PRKG1: variants seen among roughly 807,000 people sequenced by gnomAD.
The protein encoded by PRKG1 is protein kinase cGMP-dependent 1.
A neutral mutation model predicts 88.1 loss-of-function variants in PRKG1; 35 were observed. That is an observed-to-expected ratio of 0.40 (90% CI 0.30 to 0.53). PRKG1 has a LOEUF of 0.53. Among genes scored for constraint, PRKG1 ranks in the 20% least tolerant of loss-of-function variants. The pLI, the probability that PRKG1 is intolerant of heterozygous loss-of-function variation, is 0.59. For missense variants in PRKG1, 540 were observed against 839.8 expected (o/e 0.64, Z 4.41); for synonymous variants, 303 against 292.5 (o/e 1.04, Z -0.37).
chr10:52,090,444 ATAAG>A (rs1427756224), intron 7 of PRKG1, among the ~76,000 whole-genome samples: 4 of 147,468 alleles, frequency 2.7e-5, no homozygotes, highest in African/African-American at 5.2e-5. Flanking sequence ...TACTGAATAA[ATAAG>A]TGAGAAGAGG....
intron 3 of PRKG1, among the ~76,000 whole-genome samples, chr10:51,524,996 C>T (rs914393693): frequency 6.6e-6 from 1 of 151,932 alleles, no homozygotes. Flanking sequence ...TTGTTTTGTG[C>T]CAAGTAAACA....
intron 2 of PRKG1, among the ~76,000 whole-genome samples, chr10:51,169,905 C>T (rs1283016439): frequency 6.6e-6 from 1 of 152,140 alleles, no homozygotes; most frequent in Admixed American, 6.6e-5. Context: ...TCTGCACTCA[C>T]CACTTCATAC....
chr10:51,591,605 T>A (rs189077162), intron 3 of PRKG1, among the ~76,000 whole-genome samples: 1 of 152,276 alleles, frequency 6.6e-6, no homozygotes, highest in Non-Finnish European at 1.5e-5. Flanking sequence ...ACCCAGTAAT[T>A]AAGACTATTC....
At chr10:51,611,563 C>A (rs1296766436) in intron 3 of PRKG1, among the ~76,000 whole-genome samples, 1 of 149,756 alleles carries the variant, frequency 6.7e-6, no homozygotes, top group African/African-American at 2.4e-5. Context: ...CATATATTTT[C>A]TCCGTTTCAA....
chr10:51,035,149 G>C (rs903733703), intron 1 of PRKG1, among the ~76,000 whole-genome samples: 8 of 152,044 alleles, frequency 5.3e-5, no homozygotes, highest in African/African-American at 1.9e-4. Context: ...TTTAAATCTT[G>C]GCTCCCTTAT....
chr10:51,426,003 C>A (rs555835846), intron 2 of PRKG1, among the ~76,000 whole-genome samples: 2 of 152,106 alleles, frequency 1.3e-5, no homozygotes, highest in African/African-American at 4.8e-5. Flanking sequence ...CAGCTAGGAG[C>A]GGTGGCTCAT....
chr10:51,271,279 T>A (rs1839973603), intron 2 of PRKG1, among the ~76,000 whole-genome samples: 1 of 152,144 alleles, frequency 6.6e-6, no homozygotes, highest in Non-Finnish European at 1.5e-5. Flanking sequence ...TTTTTACAAT[T>A]CTTTTCAGCC....
intron 2 of PRKG1, among the ~76,000 whole-genome samples, chr10:51,162,162 C>T (rs1172065471): frequency 1.3e-5 from 2 of 152,160 alleles, no homozygotes; most frequent in African/African-American, 4.8e-5. Flanking sequence ...GGCACACTCT[C>T]CAAGGGCAGG....
intron 2 of PRKG1, among the ~76,000 whole-genome samples, chr10:51,297,147 T>C (rs552390633): frequency 6.6e-6 from 1 of 152,256 alleles, no homozygotes; most frequent in East Asian, 1.9e-4. Flanking sequence ...CAGTGAATTC[T>C]GTTCTGCGAG....
chr10:52,238,754 T>A (rs1840762432), intron 9 of PRKG1, among the ~76,000 whole-genome samples: 2 of 149,344 alleles, frequency 1.3e-5, no homozygotes, highest in South Asian at 2.2e-4. Context: ...ATTGTGGAAG[T>A]CAGTGTGGCG....
intron 1 of PRKG1, among the ~76,000 whole-genome samples, chr10:51,114,568 C>CT: frequency 6.6e-6 from 1 of 152,008 alleles, no homozygotes; most frequent in African/African-American, 2.4e-5. Flanking sequence ...TCAATTATTC[C>CT]TTTTTTCAAA....
intron 4 of PRKG1, among the ~76,000 whole-genome samples, chr10:51,860,111 T>C (rs1840833269): frequency 6.6e-6 from 1 of 152,098 alleles, no homozygotes; most frequent in Admixed American, 6.5e-5. Context: ...ATAGGGTAAA[T>C]AAGTACCCTA....
At chr10:52,103,701 CCAACCCCTGTGTTGT>C (rs1233013960) in intron 7 of PRKG1, among the ~76,000 whole-genome samples, 1 of 151,864 alleles carries the variant, frequency 6.6e-6, no homozygotes, top group East Asian at 1.9e-4. Context: ...GATTGGCACT[CCAACCCCTGTGTTGT>C]TCAGAGGTCA....
At chr10:51,783,858 T>C (rs540961629) in intron 3 of PRKG1, among the ~76,000 whole-genome samples, 17 of 152,274 alleles carry the variant, frequency 1.1e-4, no homozygotes, top group Non-Finnish European at 2.1e-4. Context: ...AGACAGTTTA[T>C]AAATGTATAG....
chr10:52,004,688 AG>A, intron 5 of PRKG1, among the ~76,000 whole-genome samples: 1 of 152,292 alleles, frequency 6.6e-6, no homozygotes, highest in South Asian at 2.1e-4. Context: ...TGGAAGTGGT[AG>A]GGGGGAAACG....
intron 2 of PRKG1, among the ~76,000 whole-genome samples, chr10:51,276,420 A>T (rs1840119743): frequency 6.6e-6 from 1 of 152,246 alleles, no homozygotes; most frequent in Admixed American, 6.5e-5. Flanking sequence ...TGCCGCAATA[A>T]ACATACATGT....
At chr10:51,889,304 G>A (rs139956418) in intron 4 of PRKG1, among the ~76,000 whole-genome samples, 4 of 146,636 alleles carry the variant, frequency 2.7e-5, no homozygotes, top group Non-Finnish European at 4.4e-5. Context: ...GTGAGAACAC[G>A]CAGTGTTTGG....
chr10:51,001,154 T>C (rs1421933827), intron 1 of PRKG1, among the ~76,000 whole-genome samples: 1 of 152,190 alleles, frequency 6.6e-6, no homozygotes, highest in African/African-American at 2.4e-5. Flanking sequence ...GACAGTGAGG[T>C]CCATGGCTGA....
chr10:51,448,073 A>G (rs934548971), intron 2 of PRKG1, among the ~76,000 whole-genome samples: 3 of 151,934 alleles, frequency 2.0e-5, no homozygotes, highest in Non-Finnish European at 4.4e-5. Context: ...CCACACACAC[A>G]CATACACACA....
Sources: gnomAD v4.1 joint callset for allele counts (sites outside exome capture counted in the v4.1 genomes callset) on GRCh38, gnomAD v4.1.1 for gene constraint, MANE v1.5 for transcripts, NCBI Gene and HGNC (gene_info 2026-07-23, HGNC 2026-07-21) for gene names.